Variants in LRRFIP2 observed in about 807,000 individuals in gnomAD.
LRRFIP2 encodes the protein leucine-rich repeat flightless-interacting protein 2.
A neutral mutation model predicts 125.9 loss-of-function variants in LRRFIP2; 109 were observed. The observed-to-expected ratio is 0.87, with a 90% CI of 0.74 to 1.01. LRRFIP2 has a LOEUF of 1.01. LRRFIP2 is among the 50% of genes least tolerant of loss of function. The pLI, the probability that LRRFIP2 is intolerant of heterozygous loss-of-function variation, is 0.00. For synonymous variants in LRRFIP2, 291 were observed against 293.1 expected, an observed-to-expected ratio of 0.99 and a Z score of 0.07; for missense variants, 850 against 862.3, an observed-to-expected ratio of 0.99 and a Z score of 0.18.
chr3:37,149,960 C>T (rs530930496), intron 1 of LRRFIP2, among the ~76,000 whole-genome samples: 150 of 151,892 alleles, frequency 9.9e-4, no homozygotes, highest in African/African-American at 3.5e-3. Flanking sequence ...AAGATCACGC[C>T]ACTGGACTCC....
chr3:37,076,915 A>G (rs918577856), intron 19 of LRRFIP2, among the ~76,000 whole-genome samples: 2 of 152,154 alleles, frequency 1.3e-5, no homozygotes, highest in Admixed American at 6.6e-5. Flanking sequence ...CTAACTGCAT[A>G]GAATAATAAG....
chr3:37,074,947 T>C lies in LRRFIP2; in HGVS notation c.1371+77A>G, dbSNP rs999166460. 3 of 952,144 alleles carry C rather than the reference T, an allele frequency of 3.2e-6. No individual in the cohort carries two copies. The African/African-American group carries it at 4.8e-5, about 15-fold the overall frequency. 59.0% of individuals were successfully genotyped at this position (952,144 alleles called of 1,614,324 possible). A position where few individuals can be genotyped will look rare whatever the true frequency, so the allele number is the denominator to read the frequency against. On this transcript the variant is annotated intron_variant, in intron 20 of 27. Transcript: ENST00000336686. Reference sequence around the variant, plus strand: ...AAACTCTGATGCATCTTAACTCTCCTTCCCTCCCAACACATCCTCATCCCA... The same window carrying C: ...AAACTCTGATGCATCTTAACTCTCCCTCCCTCCCAACACATCCTCATCCCA...
chr3:37,063,854 A>G, intron 23 of LRRFIP2, 63 bp from the exon 24 acceptor site: 1 of 1,263,724 alleles, frequency 7.9e-7, no homozygotes, highest in Non-Finnish European at 1.2e-6. Context: ...AACAATTAAA[A>G]ATTTTTCAAA....
chr3:37,082,478 T>C (rs1012073587), intron 19 of LRRFIP2, among the ~76,000 whole-genome samples: 8 of 152,198 alleles, frequency 5.3e-5, no homozygotes, highest in African/African-American at 1.9e-4. Flanking sequence ...CAACCCACAA[T>C]AGAGTGGTAC....
intron 25 of LRRFIP2, among the ~76,000 whole-genome samples, chr3:37,055,630 G>C (rs1429689166): frequency 6.6e-6 from 1 of 152,178 alleles, no homozygotes; most frequent in Non-Finnish European, 1.5e-5. Context: ...CAGCAGCCCA[G>C]GTTCTGGACT....
At chr3:37,074,680 TC>T (rs1324735497) in intron 20 of LRRFIP2, among the ~76,000 whole-genome samples, 3 of 152,112 alleles carry the variant, frequency 2.0e-5, no homozygotes, top group Non-Finnish European at 4.4e-5. Flanking sequence ...TCAAACTTAT[TC>T]CCCAAGAATC....
intron 25 of LRRFIP2, 34 bp from the exon 26 acceptor site, chr3:37,055,199 C>A: frequency 7.5e-7 from 1 of 1,334,796 alleles, no homozygotes; most frequent in South Asian, 1.3e-5. Context: ...TTATCTTCAC[C>A]TGTCAGAGAT....
At chr3:37,095,427 T>C (rs1269839833) in intron 16 of LRRFIP2, among the ~76,000 whole-genome samples, 1 of 152,168 alleles carries the variant, frequency 6.6e-6, no homozygotes, top group African/African-American at 2.4e-5. Context: ...CTTCCCAAAA[T>C]TCATTTAAAC....
At chr3:37,135,441 G>C (rs1037418343) in intron 2 of LRRFIP2, among the ~76,000 whole-genome samples, 8 of 147,204 alleles carry the variant, frequency 5.4e-5, no homozygotes, top group African/African-American at 2.0e-4. Flanking sequence ...CTGGGCAACA[G>C]AGCAAGACTC....
rs374094826 is a variant in LRRFIP2, at chr3:37,161,940, T to G, written c.-56+12599A>C. Among the ~76,000 whole-genome samples, 6 of 151,892 alleles carry G rather than the reference T, an allele frequency of 4.0e-5. No homozygotes were observed. In the East Asian group the frequency reaches 5.8e-4, roughly 15 times the overall value. On this transcript the variant is annotated intron_variant, in intron 1 of 27. Coordinates refer to ENST00000336686, the MANE Select transcript of LRRFIP2 (RefSeq NM_006309.4). ...GTTCATGTCTGTAATCCCAACATTT[T>G]GGGAGACCAAGGCAGGTGGATCCCT...
chr3:37,101,458 A>G (rs1461782803), intron 15 of LRRFIP2, among the ~76,000 whole-genome samples: 1 of 152,028 alleles, frequency 6.6e-6, no homozygotes, highest in Non-Finnish European at 1.5e-5. Context: ...TGAGGTCAGG[A>G]ATTCGAGACC....
chr3:37,062,654 G>A (rs1484251829), intron 24 of LRRFIP2, among the ~76,000 whole-genome samples: 1 of 152,148 alleles, frequency 6.6e-6, no homozygotes, highest in Non-Finnish European at 1.5e-5. Flanking sequence ...AGCCATGCTC[G>A]AAGTCACAGC....
At chr3:37,082,203 T>C (rs2092701828) in intron 19 of LRRFIP2, among the ~76,000 whole-genome samples, 1 of 152,218 alleles carries the variant, frequency 6.6e-6, no homozygotes, top group African/African-American at 2.4e-5. Flanking sequence ...AGGAAAAGCA[T>C]GATGGCTCAG....
At position 37,140,737 on chromosome 3, in the gene LRRFIP2, T is replaced by G. The variant is rs541224660; in HGVS notation, c.90+8157A>C. Among the ~76,000 whole-genome samples, 6 of 151,962 alleles carry G rather than the reference T, an allele frequency of 3.9e-5. No individual in the cohort carries two copies. The South Asian group carries it at 1.2e-3, about 32-fold the overall frequency. On this transcript the variant is annotated intron_variant, in intron 2 of 27. Coordinates refer to ENST00000336686, the MANE Select transcript of LRRFIP2 (RefSeq NM_006309.4). ...TTAATTTATAATCATTCCCTTAATC[T>G]TCCTCTTCTTTTTTATATTCCCCAT...
chr3:37,058,675 C>CAAAAA, intron 25 of LRRFIP2, 115 bp downstream of exon 25: 1 of 906,742 alleles, frequency 1.1e-6, no homozygotes, highest in Non-Finnish European at 1.6e-6. Context: ...ACTCCCATCT[C>CAAAAA]AAAAAAAAAA....
chr3:37,107,942 G>A (rs2094405375), intron 13 of LRRFIP2, 131 bp downstream of exon 13: 2 of 624,890 alleles, frequency 3.2e-6, no homozygotes, highest in Non-Finnish European at 5.5e-6. Flanking sequence ...TTGAGTTTAT[G>A]TACTAAGGGA....
chr3:37,167,475 G>A (rs955697777), intron 1 of LRRFIP2, among the ~76,000 whole-genome samples: 5 of 150,552 alleles, frequency 3.3e-5, no homozygotes, highest in Admixed American at 6.6e-5. Flanking sequence ...CCAATAGGGC[G>A]AAACCCCGTC....
intron 21 of LRRFIP2, 98 bp from the exon 22 acceptor site, chr3:37,066,423 G>T: frequency 1.1e-6 from 1 of 914,456 alleles, no homozygotes; most frequent in Non-Finnish European, 1.8e-6. Context: ...AAAGATAAAG[G>T]CATAAAAAGC....
chr3:37,129,356 C>T (rs192632080), intron 2 of LRRFIP2, among the ~76,000 whole-genome samples: 53 of 152,258 alleles, frequency 3.5e-4, no homozygotes, highest in Admixed American at 2.2e-3. Flanking sequence ...TCCTCAAATC[C>T]GGGCCTTTAC....
Sources: gnomAD v4.1 joint callset for allele counts (sites outside exome capture counted in the v4.1 genomes callset) on GRCh38, gnomAD v4.1.1 for gene constraint, MANE v1.5 for transcripts, NCBI Gene and HGNC (gene_info 2026-07-23, HGNC 2026-07-21) for gene names.